Variants in PTPRD observed in about 807,000 individuals in gnomAD.
The protein encoded by PTPRD is protein tyrosine phosphatase receptor type D.
Under a neutral mutation model 214.5 loss-of-function variants are expected in PTPRD, and 34 were observed. The observed-to-expected ratio is 0.16, with a 90% confidence interval of 0.12 to 0.21. PTPRD has a LOEUF of 0.21. PTPRD is among the 10% of genes least tolerant of loss of function. The probability of loss-of-function intolerance (pLI) is 1.00; values close to 1 mark genes in which losing one functional copy is unlikely to be tolerated. For synonymous variants in PTPRD, 1,128 were observed against 845.7 expected (o/e 1.33, Z -5.79); for missense variants, 2,545 against 2,398.7 (o/e 1.06, Z -1.27).
At chr9:10,156,884 T>A (rs970754674) in intron 3 of PTPRD, among the ~76,000 whole-genome samples, 3 of 152,190 alleles carry the variant, frequency 2.0e-5, no homozygotes, top group Admixed American at 6.5e-5. Context: ...TACCATTACC[T>A]AACACCCTTC....
At chr9:9,490,170 A>G (rs1162126660) in intron 8 of PTPRD, among the ~76,000 whole-genome samples, 1 of 152,142 alleles carries the variant, frequency 6.6e-6, no homozygotes, top group Non-Finnish European at 1.5e-5. Flanking sequence ...CCATCCTTCA[A>G]AACTCAGGAA....
intron 5 of PTPRD, among the ~76,000 whole-genome samples, chr9:9,915,550 C>A (rs926023567): frequency 6.7e-6 from 1 of 149,176 alleles, no homozygotes; most frequent in African/African-American, 2.5e-5. Flanking sequence ...AAAAAAAGAA[C>A]CAAACAGAAG....
intron 2 of PTPRD, among the ~76,000 whole-genome samples, chr9:10,353,667 C>G (rs1045610178): frequency 1.3e-5 from 2 of 151,800 alleles, no homozygotes; most frequent in African/African-American, 4.8e-5. Flanking sequence ...GTTTAAAAAT[C>G]AAGACTATCC....
intron 11 of PTPRD, among the ~76,000 whole-genome samples, chr9:8,863,086 C>G (rs968737122): frequency 1.7e-4 from 25 of 151,170 alleles, no homozygotes; most frequent in Non-Finnish European, 4.4e-5. Context: ...AAAAAGAAAT[C>G]CACATCTTTC....
Position 10,224,795 on chromosome 9 carries a change from G to A in PTPRD, c.-545+116168C>T, listed in dbSNP as rs984291714. Among the ~76,000 whole-genome samples the A allele has an allele frequency of 1.9e-4, 29 of 152,018 alleles. 1 individual carries two copies. The highest frequency in any genetic ancestry group is 6.8e-3 in the Middle Eastern group (2 of 294). ...TTAGCCAACTCAGTATGAACACAATGAGGATGAAGACCTTTATGATGATCC... is the reference window on the plus strand; with the variant it reads ...TTAGCCAACTCAGTATGAACACAATAAGGATGAAGACCTTTATGATGATCC... On this transcript the variant is annotated intron_variant, in intron 3 of 45. Coordinates refer to ENST00000381196, the MANE Select transcript of PTPRD (RefSeq NM_002839.4).
At chr9:9,934,769 AC>A (rs1475387881) in intron 5 of PTPRD, among the ~76,000 whole-genome samples, 5 of 151,904 alleles carry the variant, frequency 3.3e-5, no homozygotes, top group African/African-American at 4.9e-5. Flanking sequence ...CAGAGACACA[AC>A]CAAAAAAGAG....
chr9:9,420,916 G>A (rs767269610), intron 8 of PTPRD, among the ~76,000 whole-genome samples: 2 of 151,520 alleles, frequency 1.3e-5, no homozygotes, highest in Admixed American at 6.6e-5. Flanking sequence ...CCTTAACAGT[G>A]GTCTTTTTTC....
At chr9:8,592,854 G>A (rs992770917) in intron 14 of PTPRD, among the ~76,000 whole-genome samples, 4 of 152,152 alleles carry the variant, frequency 2.6e-5, no homozygotes, top group African/African-American at 4.8e-5. Flanking sequence ...TTTACTGAAC[G>A]AAGTCAAAGA....
intron 3 of PTPRD, among the ~76,000 whole-genome samples, chr9:10,144,764 T>C (rs904370525): frequency 4.6e-5 from 7 of 152,118 alleles, no homozygotes; most frequent in African/African-American, 1.7e-4. Flanking sequence ...CTGTCAGCAT[T>C]CCCATTATAA....
chr9:9,525,050 C>T lies in PTPRD; in HGVS notation c.-237+49682G>A, dbSNP rs536489748. Among the ~76,000 whole-genome samples, 6 of 152,130 alleles carry T rather than the reference C, an allele frequency of 3.9e-5. No homozygotes were observed. The East Asian group carries it at 1.2e-3, about 30-fold the overall frequency. On this transcript the variant is annotated intron_variant, in intron 8 of 45. Coordinates refer to ENST00000381196, the MANE Select transcript of PTPRD (RefSeq NM_002839.4). Reference sequence around the variant, plus strand: ...TTTTTTGTATTTTTAGTAGAGACACCGTTTCACCATGTTAGCCAGGATGGT... The same window carrying T: ...TTTTTTGTATTTTTAGTAGAGACACTGTTTCACCATGTTAGCCAGGATGGT...
At chr9:10,156,603 T>G (rs974672069) in intron 3 of PTPRD, among the ~76,000 whole-genome samples, 1 of 152,196 alleles carries the variant, frequency 6.6e-6, no homozygotes, top group Non-Finnish European at 1.5e-5. Context: ...GAGAACAGTG[T>G]GTATTCTTGT....
intron 9 of PTPRD, among the ~76,000 whole-genome samples, chr9:9,275,216 T>TAA (rs1187669477): frequency 7.1e-5 from 7 of 98,422 alleles, no homozygotes; most frequent in African/African-American, 2.1e-4. Flanking sequence ...TATATATATA[T>TAA]AACCATTAGC....
chr9:9,941,422 A>C (rs1441108913), intron 4 of PTPRD, among the ~76,000 whole-genome samples: 1 of 152,174 alleles, frequency 6.6e-6, no homozygotes, highest in Admixed American at 6.5e-5. Context: ...TCTTGGGTTC[A>C]AGTGATTCTC....
At chr9:10,132,836 T>G (rs928303049) in intron 3 of PTPRD, among the ~76,000 whole-genome samples, 3 of 152,132 alleles carry the variant, frequency 2.0e-5, no homozygotes, top group Non-Finnish European at 2.9e-5. Flanking sequence ...ACAGCCAACA[T>G]CTAAGATGAC....
chr9:8,457,111 G>A (rs1289576446), intron 33 of PTPRD, among the ~76,000 whole-genome samples: 2 of 152,110 alleles, frequency 1.3e-5, no homozygotes, highest in Non-Finnish European at 2.9e-5. Flanking sequence ...AATGTTTTCA[G>A]ATTATAGCGC....
chr9:9,884,419 G>GT (rs1226906669), intron 5 of PTPRD, among the ~76,000 whole-genome samples: 1 of 152,086 alleles, frequency 6.6e-6, no homozygotes, highest in African/African-American at 2.4e-5. Flanking sequence ...TTCTATCTCT[G>GT]TAAGAAAGCC....
At chr9:8,768,974 T>C (rs2154482079) in intron 11 of PTPRD, among the ~76,000 whole-genome samples, 1 of 152,322 alleles carries the variant, frequency 6.6e-6, no homozygotes, top group African/African-American at 2.4e-5. Flanking sequence ...TTTCCCGTGT[T>C]TCAAGGGTGT....
intron 3 of PTPRD, among the ~76,000 whole-genome samples, chr9:10,304,948 C>T (rs1015767346): frequency 3.9e-5 from 6 of 152,196 alleles, no homozygotes; most frequent in Middle Eastern, 3.4e-3. Flanking sequence ...CCTGCATTGC[C>T]GAGACAATCC....
chr9:9,325,123 C>T lies in PTPRD; in HGVS notation c.-203+72326G>A, dbSNP rs190275285. 5.2e-3 allele frequency among the ~76,000 whole-genome samples: 787 copies of T among 152,154 alleles called. 10 individuals are homozygous for T. Among genetic ancestry groups the T allele is most frequent in the African/African-American group, 0.018 (757 of 41,502 alleles). ...TGTAGTATAGTTTGAAGTCAGGTAG[C>T]GTGATGCCTCCAGCTTTGTTCTTTT... On this transcript the variant is annotated intron_variant, in intron 9 of 45. Coordinates refer to ENST00000381196, the MANE Select transcript of PTPRD (RefSeq NM_002839.4).
Sources: gnomAD v4.1 joint callset for allele counts (sites outside exome capture counted in the v4.1 genomes callset) on GRCh38, gnomAD v4.1.1 for gene constraint, MANE v1.5 for transcripts, NCBI Gene and HGNC (gene_info 2026-07-23, HGNC 2026-07-21) for gene names.